TKTL1: variants seen among roughly 807,000 people sequenced by gnomAD.
TKTL1 encodes transketolase like 1.
In TKTL1, 1 loss-of-function variant was observed where a neutral mutation model predicts 39.3. That is an observed-to-expected ratio of 0.03 (90% CI 0.01 to 0.12). TKTL1 has a LOEUF of 0.12. Ranked by LOEUF, TKTL1 falls within the 10% of genes least tolerant of loss-of-function variation. The pLI is 1.00. For synonymous variants in TKTL1, 262 were observed against 193.8 expected (o/e 1.35, Z -2.92); for missense variants, 575 against 509.6 (o/e 1.13, Z -1.24).
rs1557168612 is a variant in TKTL1 at position 154,312,681 on chromosome X, C to T, written c.772C>T (p.Leu258Phe). The change falls in exon 6 of 13, where the codon CTT (leucine) becomes TTT (phenylalanine). Residue 258 changes from leucine (L) to phenylalanine (F), a missense_variant. Physicochemically the swap from Leu to Phe is conservative, Grantham distance 22. Coordinates refer to ENST00000369915, the MANE Select transcript of TKTL1 (RefSeq NM_012253.4). ...GAGCCAGATACAGACCAGCAGGAAT[C>T]TTGACCCACAGCCCCCCATTGAGGA... ...IESQIQTSRN[L>F]DPQPPIEDSP... The T allele has an allele frequency of 2.5e-6, 3 of 1,211,743 alleles. No individual in the cohort carries two copies. The highest frequency in any genetic ancestry group is 1.8e-5 in the South Asian group (1 of 56,986).
chrX:154,325,578 G>A (rs782231018), intron 10 of TKTL1, among the ~76,000 whole-genome samples, 156 bp downstream of exon 10: 3 of 112,292 alleles, frequency 2.7e-5, no homozygotes, highest in South Asian at 7.3e-4. Context: ...CTTTTCCTTG[G>A]GAAGGAACAT....
chrX:154,314,077 A>C (rs1168465131), intron 6 of TKTL1, among the ~76,000 whole-genome samples: 2 of 111,734 alleles, frequency 1.8e-5, no homozygotes, highest in African/African-American at 6.5e-5. Flanking sequence ...CCTTAAATGG[A>C]TCAATAGCCC....
At chrX:154,314,635 C>T (rs2067383376) in intron 6 of TKTL1, among the ~76,000 whole-genome samples, 1 of 111,152 alleles carries the variant, frequency 9.0e-6, no homozygotes, top group Non-Finnish European at 1.9e-5. Context: ...AGCGATTCTC[C>T]TGCCTCAGCC....
At chrX:154,323,612 C>T (rs782726202) in intron 9 of TKTL1, among the ~76,000 whole-genome samples, 1 of 111,917 alleles carries the variant, frequency 8.9e-6, no homozygotes, top group Admixed American at 9.5e-5. Flanking sequence ...GTGTTGTAAA[C>T]AGGAGAAGGT....
chrX:154,315,688 C>T (rs1240274115), intron 7 of TKTL1, among the ~76,000 whole-genome samples: 1 of 111,811 alleles, frequency 8.9e-6, no homozygotes, highest in Non-Finnish European at 1.9e-5. Context: ...CTGCAACCAC[C>T]CAGAGGCACA....
chrX:154,327,808 T>G, intron 11 of TKTL1, 31 bp from the exon 12 acceptor site: 1 of 1,211,378 alleles, frequency 8.3e-7, no homozygotes, highest in Non-Finnish European at 1.1e-6. Flanking sequence ...AGTCTCTTTC[T>G]TGTACCAAGC....
chrX:154,306,353 T>C (rs2067314902), intron 2 of TKTL1, among the ~76,000 whole-genome samples: 1 of 111,244 alleles, frequency 9.0e-6, no homozygotes, highest in African/African-American at 3.3e-5. Context: ...CAAATAGAAA[T>C]GCCAGATTAG....
Position 154,302,962 on chromosome X carries a change from C to T in TKTL1, c.135-2342C>T, listed in dbSNP as rs782331063. 1.5e-4 allele frequency among the ~76,000 whole-genome samples: 17 copies of T among 110,792 alleles called. No individual in the cohort carries two copies. The South Asian group carries it at 5.4e-3, about 35-fold the overall frequency. ...GGCGAGGGCGATCCTCCCCTAGGAC[C>T]TAGGGAGAGAGCGTGGCCCTGCTGC... On this transcript the variant is annotated intron_variant, in intron 1 of 12. Transcript: ENST00000369915.
intron 6 of TKTL1, 149 bp downstream of exon 6, chrX:154,312,922 G>A: frequency 5.4e-6 from 3 of 557,820 alleles, no homozygotes; most frequent in Non-Finnish European, 8.3e-6. Flanking sequence ...CAGTTCGTAG[G>A]CAATAAAGAG....
In TKTL1 at chrX:154,311,187, C is replaced by T; in HGVS notation, c.619C>T (p.His207Tyr). 1.7e-6 allele frequency: 2 copies of T among 1,212,058 alleles called. No individual in the cohort carries two copies. The highest frequency in any genetic ancestry group is 3.5e-5 in the South Asian group (2 of 57,039). The change falls in exon 5 of 13, where the codon CAC becomes TAC. Residue 207 changes from histidine (H) to tyrosine (Y), a missense_variant. Coordinates refer to ENST00000369915, the MANE Select transcript of TKTL1 (RefSeq NM_012253.4). ...QVFWQASQVK[H>Y]KPTAVVAKTF... ...ATTCTGGCAGGCTTCTCAGGTGAAG[C>T]ACAAGCCCACTGCTGTGGTGGCCAA...
chrX:154,318,744 T>G (rs1223764088), intron 7 of TKTL1, among the ~76,000 whole-genome samples: 1 of 105,044 alleles, frequency 9.5e-6, no homozygotes, highest in African/African-American at 3.5e-5. Context: ...AAGACCAGCC[T>G]GAACAACATA....
intron 1 of TKTL1, among the ~76,000 whole-genome samples, chrX:154,303,250 T>C (rs1405106220): frequency 9.5e-6 from 1 of 104,797 alleles, no homozygotes; most frequent in Non-Finnish European, 1.9e-5. Flanking sequence ...TTCACTCTGT[T>C]GCTCAGCCTA....
At position 154,327,958 on chromosome X, in the gene TKTL1, GGTGT is replaced by G. The variant is rs1448980927; in HGVS notation, c.1618+6_1618+9del. The G allele has an allele frequency of 3.3e-6, 4 of 1,209,078 alleles. No individual in the cohort carries two copies. Among genetic ancestry groups the G allele is most frequent in the Non-Finnish European group, 4.5e-6 (4 of 894,859 alleles). On this transcript the variant is annotated splice_donor_variant and splice_donor_region_variant and intron_variant, in intron 12 of 12. Transcript: ENST00000369915. LOFTEE classifies it high-confidence loss of function. ...TACAGTGGAGGATCACTACCCGCAA[GGTGT>G]GTGTGGGCATTGAGAATGCTTTGGA...
chrX:154,301,312 T>G (rs2067271674), intron 1 of TKTL1, among the ~76,000 whole-genome samples: 1 of 108,560 alleles, frequency 9.2e-6, no homozygotes, highest in Admixed American at 9.9e-5. Flanking sequence ...AGGTCAGGAG[T>G]TTGAGACCAG....
At chrX:154,299,772 AT>A (rs2067258703) in intron 1 of TKTL1, among the ~76,000 whole-genome samples, 1 of 111,506 alleles carries the variant, frequency 9.0e-6, no homozygotes, top group African/African-American at 3.3e-5. Flanking sequence ...TGCAAAATAC[AT>A]TGTTTTTTAT....
chrX:154,329,804 A>G lies in TKTL1; in HGVS notation c.*116A>G. Reference sequence around the variant, plus strand: ...TTTCTTAAAAGCAAAGCCAGCTAACACCTTCATTCATCCCTAGTTCGGAAA... The same window carrying G: ...TTTCTTAAAAGCAAAGCCAGCTAACGCCTTCATTCATCCCTAGTTCGGAAA... On this transcript the variant is annotated 3_prime_UTR_variant, in exon 13 of 13. Coordinates refer to ENST00000369915, the MANE Select transcript of TKTL1 (RefSeq NM_012253.4). 2.0e-5 allele frequency: 17 copies of G among 834,563 alleles called. No individual in the cohort carries two copies. Among genetic ancestry groups the G allele is most frequent in the Non-Finnish European group, 2.9e-5 (17 of 588,004 alleles). 68.8% of individuals were successfully genotyped at this position (834,563 alleles called of 1,213,427 possible). A position where few individuals can be genotyped will look rare whatever the true frequency, so the allele number is the denominator to read the frequency against.
At chrX:154,301,755 CTTTTT>C (rs782331518) in intron 1 of TKTL1, among the ~76,000 whole-genome samples, 3 of 90,519 alleles carry the variant, frequency 3.3e-5, no homozygotes, top group Non-Finnish European at 6.7e-5. Flanking sequence ...CATTTTCTTT[CTTTTT>C]TTTTTTTTTT....
At chrX:154,319,738 A>T (rs1313689200) in intron 7 of TKTL1, among the ~76,000 whole-genome samples, 1 of 54,960 alleles carries the variant, frequency 1.8e-5, no homozygotes, top group African/African-American at 1.3e-4. Flanking sequence ...GACCCTGTCT[A>T]AAAAAAAAAA....
Position 154,325,375 on chromosome X carries a change from A to G in TKTL1, c.1354A>G (p.Met452Val), listed in dbSNP as rs781801003. 3 of 1,211,709 alleles carry G rather than the reference A, an allele frequency of 2.5e-6. No individual in the cohort carries two copies. Among genetic ancestry groups the G allele is most frequent in the Non-Finnish European group, 3.4e-6 (3 of 895,366 alleles). Residue 452 changes from methionine (M) to valine (V), a missense_variant, in exon 10 of 13, where the codon ATG becomes GTG. Met to Val is a conservative substitution (Grantham distance 21). Coordinates refer to ENST00000369915, the MANE Select transcript of TKTL1 (RefSeq NM_012253.4). ...CFIRTTRPET[M>V]VIYTPQERFE... The stretch of plus-strand genomic sequence containing the variant: ...CATTCGGACCACCCGACCAGAAACT[A>G]TGGTTATTTACACCCCACAAGAACG...
Sources: gnomAD v4.1 joint callset for allele counts (sites outside exome capture counted in the v4.1 genomes callset) on GRCh38, gnomAD v4.1.1 for gene constraint, MANE v1.5 for transcripts, NCBI Gene and HGNC (gene_info 2026-07-23, HGNC 2026-07-21) for gene names.